Variants in ABHD6 observed in about 807,000 individuals in gnomAD.
ABHD6 encodes the protein abhydrolase domain containing 6, acylglycerol lipase.
Under a neutral mutation model 38.8 loss-of-function variants are expected in ABHD6, and 33 were observed. The observed-to-expected ratio is 0.85, with a 90% CI of 0.64 to 1.14. The LOEUF (loss-of-function observed/expected upper bound fraction) is 1.14, where lower values mean the gene tolerates loss of function less well. ABHD6 is among the 50% of genes most tolerant of loss of function. ABHD6 has a pLI of 0.00. For synonymous variants in ABHD6, 147 were observed against 161.6 expected (o/e 0.91, Z 0.69); for missense variants, 380 against 422.6 (o/e 0.90, Z 0.88).
rs570590254 is a variant in ABHD6 at position 58,266,825 on chromosome 3, A to G, written c.120-364A>G. Reference sequence around the variant, plus strand: ...GCCATATGTTATGAGGAACAAAGCCAGAGGACCAGTGCAGATGGTTCTCAA... The same window carrying G: ...GCCATATGTTATGAGGAACAAAGCCGGAGGACCAGTGCAGATGGTTCTCAA... On this transcript the variant is annotated intron_variant, in intron 3 of 9. Transcript: ENST00000478253. The surrounding 1 kb of genome is among the most constrained non-coding windows in gnomAD (Gnocchi z 4.0). Among the ~76,000 whole-genome samples the G allele has an allele frequency of 1.3e-5, 2 of 152,388 alleles. No individual in the cohort carries two copies. Among genetic ancestry groups the G allele is most frequent in the Admixed American group, 1.3e-4 (2 of 15,306 alleles).
At chr3:58,277,801 TGA>T (rs1343152594) in intron 7 of ABHD6, among the ~76,000 whole-genome samples, 1 of 152,186 alleles carries the variant, frequency 6.6e-6, no homozygotes, top group Non-Finnish European at 1.5e-5. Flanking sequence ...CCTAGTTTAT[TGA>T]GAGTTTTTAG....
intron 2 of ABHD6, among the ~76,000 whole-genome samples, chr3:58,253,375 C>T (rs2037122): frequency 0.55 from 83,608 of 152,056 alleles, 25,663 homozygotes; most frequent in African/African-American, 0.84. Flanking sequence ...TGACAGTTCC[C>T]ATCTGTGTCA....
chr3:58,260,419 C>T (rs551461848), intron 3 of ABHD6, among the ~76,000 whole-genome samples: 27 of 152,292 alleles, frequency 1.8e-4, no homozygotes, highest in Middle Eastern at 3.4e-3. Flanking sequence ...CATTGTGACA[C>T]GGGGGATTAT....
chr3:58,248,495 C>T (rs1429096308), intron 1 of ABHD6, among the ~76,000 whole-genome samples: 1 of 152,042 alleles, frequency 6.6e-6, no homozygotes, highest in Non-Finnish European at 1.5e-5. Context: ...GTTGGGAGTT[C>T]GAAGACCAGC....
At chr3:58,278,643 C>T (rs1362023366) in intron 7 of ABHD6, among the ~76,000 whole-genome samples, 1 of 152,148 alleles carries the variant, frequency 6.6e-6, no homozygotes, top group African/African-American at 2.4e-5. Flanking sequence ...CTTCTGCTGG[C>T]TTTTGAATGT....
intron 3 of ABHD6, among the ~76,000 whole-genome samples, chr3:58,260,748 G>T (rs974845662): frequency 6.6e-6 from 1 of 152,184 alleles, no homozygotes; most frequent in African/African-American, 2.4e-5. Flanking sequence ...AGTAGAGGTA[G>T]CTTGGCACCC....
chr3:58,257,851 T>A lies in ABHD6; in HGVS notation c.119+1146T>A, dbSNP rs1287821544. ...AAGTTTCCAAAATATGTCATTCTTGTACCACTGTTATTATTCTTGTCCTAT... is the reference window on the plus strand; with the variant it reads ...AAGTTTCCAAAATATGTCATTCTTGAACCACTGTTATTATTCTTGTCCTAT... On this transcript the variant is annotated intron_variant, in intron 3 of 9. Coordinates refer to ENST00000478253, the MANE Select transcript of ABHD6 (RefSeq NM_001320126.2). This position sits in a 1 kb window ranked among gnomAD's most constrained non-coding sequence, Gnocchi z 4.8. Among the ~76,000 whole-genome samples the A allele has an allele frequency of 6.6e-6, 1 of 152,248 alleles. No individual in the cohort carries two copies. Among genetic ancestry groups the A allele is most frequent in the African/African-American group, 2.4e-5 (1 of 41,464 alleles).
At chr3:58,255,634 T>C (rs1328931277) in intron 2 of ABHD6, among the ~76,000 whole-genome samples, 1 of 151,812 alleles carries the variant, frequency 6.6e-6, no homozygotes, top group Non-Finnish European at 1.5e-5. Context: ...TGTCCTCCTT[T>C]TTTATTTTTA....
intron 2 of ABHD6, among the ~76,000 whole-genome samples, chr3:58,253,219 T>G (rs2097431192): frequency 6.6e-6 from 1 of 151,896 alleles, no homozygotes; most frequent in South Asian, 2.1e-4. Flanking sequence ...ATCTCCAGTG[T>G]CAGAGTCTAT....
chr3:58,270,858 G>A, intron 5 of ABHD6, 74 bp from the exon 6 acceptor site: 1 of 1,459,702 alleles, frequency 6.9e-7, no homozygotes, highest in Non-Finnish European at 9.1e-7. Context: ...AGTCCAGGGG[G>A]CTTCTATGCT....
In ABHD6 at chr3:58,293,242, C is replaced by T. The variant is rs79184086; in HGVS notation, c.838-347C>T. On this transcript the variant is annotated intron_variant, in intron 9 of 9. Coordinates refer to ENST00000478253, the MANE Select transcript of ABHD6 (RefSeq NM_001320126.2). This position sits in a 1 kb window ranked among gnomAD's most constrained non-coding sequence, Gnocchi z 4.4. The stretch of plus-strand genomic sequence containing the variant: ...CTCCCCTGTCCCCTTTCTGCTCTCC[C>T]GGGACTCAGGAACGAGGTCTTCCCT... Among the ~76,000 whole-genome samples the T allele has an allele frequency of 8.9e-4, 136 of 152,256 alleles. No homozygotes were observed. In the East Asian group the frequency reaches 0.023, roughly 26 times the overall value.
chr3:58,280,353 G>A (rs982768460), intron 7 of ABHD6, among the ~76,000 whole-genome samples: 3 of 151,428 alleles, frequency 2.0e-5, no homozygotes, highest in African/African-American at 4.9e-5. Flanking sequence ...CTTCAATCAC[G>A]GATACCCTTT....
At chr3:58,244,065 G>A (rs2097424644) in intron 1 of ABHD6, among the ~76,000 whole-genome samples, 1 of 152,216 alleles carries the variant, frequency 6.6e-6, no homozygotes, top group Non-Finnish European at 1.5e-5. Flanking sequence ...CTGGTGGTCA[G>A]CCAGGCTCCA....
At chr3:58,289,767 G>C (rs1192921256) in intron 9 of ABHD6, among the ~76,000 whole-genome samples, 3 of 152,264 alleles carry the variant, frequency 2.0e-5, no homozygotes, top group East Asian at 3.9e-4. Context: ...TCCCAGACGG[G>C]GTGGTGGCTG....
intron 7 of ABHD6, 148 bp downstream of exon 7, chr3:58,274,963 T>C (rs2097447764): frequency 7.1e-6 from 7 of 986,918 alleles, no homozygotes; most frequent in Non-Finnish European, 8.9e-6. Context: ...CTGCAGTGCC[T>C]GCAACACGCT....
chr3:58,277,466 C>A (rs1448608297), intron 7 of ABHD6, among the ~76,000 whole-genome samples: 1 of 152,134 alleles, frequency 6.6e-6, no homozygotes, highest in South Asian at 2.1e-4. Context: ...GATTTTGTAT[C>A]CTGAGACTTT....
intron 7 of ABHD6, among the ~76,000 whole-genome samples, chr3:58,276,685 T>G (rs1363166559): frequency 6.6e-6 from 1 of 152,246 alleles, no homozygotes; most frequent in Non-Finnish European, 1.5e-5. Context: ...ATGAAGTCCT[T>G]GCCCATGCCT....
At chr3:58,258,384 CT>C in intron 3 of ABHD6, 1 of 440,954 alleles carries the variant, frequency 2.3e-6, no homozygotes, top group South Asian at 1.6e-5. Flanking sequence ...ATTGTATCTC[CT>C]TTTACTTTGT....
rs570230336 is a variant in ABHD6 at position 58,287,645 on chromosome 3, C to A, written c.837+2192C>A. Among the ~76,000 whole-genome samples, 1 of 152,336 alleles carries A rather than the reference C, an allele frequency of 6.6e-6. No homozygotes were observed. The highest frequency in any genetic ancestry group is 1.9e-4 in the East Asian group (1 of 5,178). ...ATTTGATCAGGAATCAGAGCCTGAGCAGCGAAGGCCTTCTGTTGTTCTAAA... is the reference window on the plus strand; with the variant it reads ...ATTTGATCAGGAATCAGAGCCTGAGAAGCGAAGGCCTTCTGTTGTTCTAAA... On this transcript the variant is annotated intron_variant, in intron 9 of 9. Transcript: ENST00000478253. This position sits in a 1 kb window ranked among gnomAD's most constrained non-coding sequence, Gnocchi z 4.7.
Sources: allele counts gnomAD v4.1 joint callset (sites outside exome capture counted in the v4.1 genomes callset), GRCh38; gene constraint gnomAD v4.1.1; non-coding constraint Gnocchi (gnomAD v3.1); transcripts MANE v1.5; gene names NCBI Gene and HGNC (gene_info 2026-07-23, HGNC 2026-07-21).